CNTNAP5: variants seen among roughly 807,000 people sequenced by gnomAD.
The protein encoded by CNTNAP5 is contactin-associated protein-like 5.
Under a neutral mutation model 150.2 loss-of-function variants are expected in CNTNAP5, and 72 were observed. The observed-to-expected ratio is 0.48, with a 90% confidence interval of 0.40 to 0.58. The LOEUF is 0.58. Among genes scored for constraint, CNTNAP5 ranks in the 20% least tolerant of loss-of-function variants. CNTNAP5 has a pLI of 0.00. For missense variants in CNTNAP5, 1,636 were observed against 1,626.2 expected (o/e 1.01, Z -0.10); for synonymous variants, 672 against 619.8 (o/e 1.08, Z -1.25).
At chr2:124,311,580 G>C (rs1688833678) in intron 3 of CNTNAP5, among the ~76,000 whole-genome samples, 1 of 152,206 alleles carries the variant, frequency 6.6e-6, no homozygotes, top group South Asian at 2.1e-4. Context: ...TCACATTGGG[G>C]GCTAAGGTTT....
intron 1 of CNTNAP5, among the ~76,000 whole-genome samples, chr2:124,208,681 G>T (rs953124815): frequency 3.3e-5 from 5 of 152,182 alleles, no homozygotes; most frequent in Admixed American, 1.3e-4. Flanking sequence ...CAAATAAATA[G>T]CTCTCATCCC....
chr2:124,620,745 GCACACACACACACA>G (rs3039903), intron 12 of CNTNAP5, among the ~76,000 whole-genome samples: 12,550 of 103,658 alleles, frequency 0.12, 689 homozygotes, highest in African/African-American at 0.17. Flanking sequence ...ACACACACAT[GCACACACACACACA>G]CACACACACA....
At chr2:124,059,858 A>T (rs1681956945) in intron 1 of CNTNAP5, among the ~76,000 whole-genome samples, 1 of 152,148 alleles carries the variant, frequency 6.6e-6, no homozygotes, top group Admixed American at 6.6e-5. Context: ...CTCAGTATAT[A>T]AAAATGTCTC....
chr2:124,252,884 C>G (rs1484626582), intron 3 of CNTNAP5, among the ~76,000 whole-genome samples: 1 of 151,936 alleles, frequency 6.6e-6, no homozygotes, highest in African/African-American at 2.4e-5. Context: ...TACACATGGA[C>G]TTATTTAAAT....
intron 3 of CNTNAP5, among the ~76,000 whole-genome samples, chr2:124,347,170 T>C (rs1209754518): frequency 6.6e-6 from 1 of 152,176 alleles, no homozygotes; most frequent in Admixed American, 6.5e-5. Context: ...GGTAATTTAG[T>C]ACAGTGGCAA....
intron 13 of CNTNAP5, among the ~76,000 whole-genome samples, chr2:124,744,066 A>G (rs1372944135): frequency 6.6e-6 from 1 of 152,226 alleles, no homozygotes; most frequent in East Asian, 1.9e-4. Flanking sequence ...AGCCTGTTTT[A>G]TATTTTCCAT....
intron 19 of CNTNAP5, among the ~76,000 whole-genome samples, chr2:124,823,456 C>T (rs990904941): frequency 6.6e-6 from 1 of 152,212 alleles, no homozygotes; most frequent in African/African-American, 2.4e-5. Flanking sequence ...CCATGCCCTA[C>T]TGGTTACGTA....
intron 1 of CNTNAP5, among the ~76,000 whole-genome samples, chr2:124,156,243 A>G (rs974418329): frequency 2.0e-5 from 3 of 152,202 alleles, no homozygotes; most frequent in Admixed American, 6.5e-5. Context: ...GAGAGTAGAG[A>G]TGACCTAGGG....
intron 6 of CNTNAP5, among the ~76,000 whole-genome samples, chr2:124,447,863 C>A (rs978713267): frequency 2.0e-5 from 3 of 152,058 alleles, no homozygotes; most frequent in Non-Finnish European, 2.9e-5. Flanking sequence ...TTATGGAATT[C>A]AAAAGAATAG....
At chr2:124,193,524 A>G (rs1685506483) in intron 1 of CNTNAP5, among the ~76,000 whole-genome samples, 1 of 152,184 alleles carries the variant, frequency 6.6e-6, no homozygotes, top group Non-Finnish European at 1.5e-5. Flanking sequence ...CTGTTTTAAG[A>G]TTAACGTAAA....
At chr2:124,731,375 G>A (rs13386642) in intron 13 of CNTNAP5, among the ~76,000 whole-genome samples, 38,699 of 151,310 alleles carry the variant, frequency 0.26, 5,560 homozygotes, top group Non-Finnish European at 0.34. Context: ...TTTACCGTAA[G>A]CAGATAATGC....
intron 3 of CNTNAP5, among the ~76,000 whole-genome samples, chr2:124,405,770 C>A (rs920706659): frequency 1.3e-5 from 2 of 152,206 alleles, no homozygotes; most frequent in African/African-American, 4.8e-5. Flanking sequence ...TGCATGGAAT[C>A]GTGCTGTTTG....
At chr2:124,283,851 G>T (rs774226835) in intron 3 of CNTNAP5, among the ~76,000 whole-genome samples, 3 of 152,038 alleles carry the variant, frequency 2.0e-5, no homozygotes, top group Non-Finnish European at 2.9e-5. Context: ...TTTTATAAGG[G>T]CACTAATCTC....
intron 17 of CNTNAP5, among the ~76,000 whole-genome samples, chr2:124,773,704 G>A (rs1681254941): frequency 6.6e-6 from 1 of 152,056 alleles, no homozygotes; most frequent in Admixed American, 6.6e-5. Flanking sequence ...TTGTTAGATA[G>A]TGGGTATTGA....
At chr2:124,499,996 T>A (rs1056832024) in intron 7 of CNTNAP5, among the ~76,000 whole-genome samples, 3 of 151,612 alleles carry the variant, frequency 2.0e-5, no homozygotes, top group African/African-American at 7.3e-5. Context: ...AAGTTGTAAA[T>A]CCCAGCCTGA....
intron 6 of CNTNAP5, among the ~76,000 whole-genome samples, chr2:124,465,475 A>G (rs1180602106): frequency 6.6e-6 from 1 of 152,222 alleles, no homozygotes; most frequent in Non-Finnish European, 1.5e-5. Context: ...AAGAGACCGA[A>G]TTGCCAAAAA....
At chr2:124,836,758 T>C (rs1239323668) in intron 19 of CNTNAP5, among the ~76,000 whole-genome samples, 2 of 152,092 alleles carry the variant, frequency 1.3e-5, no homozygotes, top group African/African-American at 4.8e-5. Context: ...TTAACTATCT[T>C]CGTGAGTGTC....
At chr2:124,279,627 A>G (rs1161544429) in intron 3 of CNTNAP5, among the ~76,000 whole-genome samples, 1 of 152,114 alleles carries the variant, frequency 6.6e-6, no homozygotes, top group Non-Finnish European at 1.5e-5. Context: ...AGGGGATCCA[A>G]CCATAACCTC....
intron 1 of CNTNAP5, among the ~76,000 whole-genome samples, chr2:124,136,280 C>G (rs1372596103): frequency 1.3e-5 from 2 of 152,034 alleles, no homozygotes; most frequent in Admixed American, 1.3e-4. Flanking sequence ...ACTGCTGCAG[C>G]CATAGGGTAA....
Sources: gnomAD v4.1 joint callset for allele counts (sites outside exome capture counted in the v4.1 genomes callset) on GRCh38, gnomAD v4.1.1 for gene constraint, MANE v1.5 for transcripts, NCBI Gene and HGNC (gene_info 2026-07-23, HGNC 2026-07-21) for gene names.